CREB3L2: variants seen among roughly 807,000 people sequenced by gnomAD.
The protein encoded by CREB3L2 is cAMP responsive element binding protein 3 like 2.
Under a neutral mutation model 57.2 loss-of-function variants are expected in CREB3L2, and 23 were observed. The ratio of observed to expected loss-of-function variants is 0.40; its 90% CI spans 0.29 to 0.57. The LOEUF is 0.57. Among genes scored for constraint, CREB3L2 ranks in the 20% least tolerant of loss-of-function variants. The pLI, the probability that CREB3L2 is intolerant of heterozygous loss-of-function variation, is 0.42. For missense variants in CREB3L2, 628 were observed against 634.7 expected (o/e 0.99, Z 0.11); for synonymous variants, 268 against 265.1 (o/e 1.01, Z -0.11).
intron 8 of CREB3L2, among the ~76,000 whole-genome samples, chr7:137,898,652 G>T (rs952209962): frequency 2.0e-5 from 3 of 152,144 alleles, no homozygotes; most frequent in Non-Finnish European, 2.9e-5. Context: ...TGGAACCTAT[G>T]AAGAATTCTT....
intron 1 of CREB3L2, among the ~76,000 whole-genome samples, chr7:137,997,725 TC>T (rs1307466874): frequency 1.5e-4 from 14 of 94,684 alleles, no homozygotes; most frequent in African/African-American, 4.8e-4. Flanking sequence ...AAGACCCATC[TC>T]AAAAATAAAA....
chr7:137,914,756 CAG>C (rs752934617), intron 3 of CREB3L2, among the ~76,000 whole-genome samples: 70 of 152,202 alleles, frequency 4.6e-4, no homozygotes, highest in Non-Finnish European at 8.2e-4. Flanking sequence ...AGCACACTTG[CAG>C]AGGCCTCTGT....
In CREB3L2 at chr7:137,877,404, TAG is replaced by T; in HGVS notation, c.*3070_*3071del. The T allele has an allele frequency of 4.4e-6, 1 of 227,342 alleles. No homozygotes were observed. 14.1% of individuals were successfully genotyped at this position (227,342 alleles called of 1,614,324 possible). The stretch of plus-strand genomic sequence containing the variant: ...TATATAACACTCTCTTTATGTGAGC[TAG>T]ACTCCAGAGTCCTCACACTTCACAG... On this transcript the variant is annotated 3_prime_UTR_variant, in exon 12 of 12. Transcript: ENST00000330387.
chr7:137,887,844 G>A (rs958023319), intron 8 of CREB3L2, among the ~76,000 whole-genome samples: 1 of 152,134 alleles, frequency 6.6e-6, no homozygotes, highest in Non-Finnish European at 1.5e-5. Context: ...TTAATGTGAA[G>A]ATCTTTTTTT....
chr7:137,926,335 T>A (rs1169802336), intron 2 of CREB3L2, among the ~76,000 whole-genome samples: 3 of 152,208 alleles, frequency 2.0e-5, no homozygotes, highest in Non-Finnish European at 4.4e-5. Context: ...CCAACCCAAA[T>A]GCCCACCAAT....
At chr7:137,935,806 C>T (rs1800769272) in intron 1 of CREB3L2, 1 of 158,154 alleles carries the variant, frequency 6.3e-6, no homozygotes, top group South Asian at 2.0e-4. Flanking sequence ...TCCAAATTTA[C>T]AAATCAGATA....
chr7:137,983,845 G>A (rs536089812), intron 1 of CREB3L2, among the ~76,000 whole-genome samples: 1 of 152,310 alleles, frequency 6.6e-6, no homozygotes, highest in African/African-American at 2.4e-5. Flanking sequence ...TCTGCACTCA[G>A]GGGCGGCCCA....
chr7:137,946,147 T>A (rs1800969654), intron 1 of CREB3L2, among the ~76,000 whole-genome samples: 1 of 152,144 alleles, frequency 6.6e-6, no homozygotes, highest in Non-Finnish European at 1.5e-5. Flanking sequence ...CTCCCTGCTG[T>A]AACATGCTCG....
intron 1 of CREB3L2, among the ~76,000 whole-genome samples, chr7:137,961,717 CG>C (rs943481268): frequency 2.0e-5 from 3 of 152,240 alleles, no homozygotes; most frequent in South Asian, 2.1e-4. Flanking sequence ...TTTTCCCACC[CG>C]GGGGGCACAC....
At chr7:137,956,035 T>A (rs1317586630) in intron 1 of CREB3L2, among the ~76,000 whole-genome samples, 1 of 152,204 alleles carries the variant, frequency 6.6e-6, no homozygotes. Context: ...AAACACTAGC[T>A]AAGGCACTTA....
intron 1 of CREB3L2, among the ~76,000 whole-genome samples, chr7:137,992,700 A>G (rs1215771920): frequency 6.6e-6 from 1 of 152,230 alleles, no homozygotes; most frequent in Non-Finnish European, 1.5e-5. Context: ...AAACACTCAC[A>G]TTTAACAGCT....
chr7:137,990,905 T>TC (rs1327575709), intron 1 of CREB3L2, among the ~76,000 whole-genome samples: 8 of 152,178 alleles, frequency 5.3e-5, no homozygotes, highest in Non-Finnish European at 1.0e-4. Flanking sequence ...GATTTTTTTT[T>TC]CCCCAGACTC....
At chr7:137,891,732 C>G (rs556572879) in intron 8 of CREB3L2, among the ~76,000 whole-genome samples, 14 of 152,112 alleles carry the variant, frequency 9.2e-5, no homozygotes, top group Admixed American at 3.9e-4. Flanking sequence ...TATGCCACCA[C>G]GCCCGGCTAA....
At chr7:137,888,003 A>G (rs1282815408) in intron 8 of CREB3L2, among the ~76,000 whole-genome samples, 1 of 152,142 alleles carries the variant, frequency 6.6e-6, no homozygotes, top group Non-Finnish European at 1.5e-5. Flanking sequence ...CACAGGCTGG[A>G]GTGCAGTGGT....
chr7:137,960,694 T>C (rs967499055), intron 1 of CREB3L2, among the ~76,000 whole-genome samples: 2 of 152,226 alleles, frequency 1.3e-5, no homozygotes, highest in Admixed American at 6.5e-5. Flanking sequence ...GTGCATATTT[T>C]GAACAGTTTT....
intron 1 of CREB3L2, among the ~76,000 whole-genome samples, chr7:137,978,792 C>T (rs1037459677): frequency 6.6e-6 from 1 of 152,164 alleles, no homozygotes; most frequent in Admixed American, 6.5e-5. Context: ...CTTCCAACTC[C>T]TAGCCCACTG....
intron 1 of CREB3L2, among the ~76,000 whole-genome samples, chr7:137,991,384 T>A (rs987394407): frequency 6.6e-6 from 1 of 151,862 alleles, no homozygotes; most frequent in Non-Finnish European, 1.5e-5. Context: ...CAGGATGGTC[T>A]CGATCTCCTG....
intron 1 of CREB3L2, among the ~76,000 whole-genome samples, chr7:137,990,263 C>A (rs1302267400): frequency 6.6e-6 from 1 of 152,174 alleles, no homozygotes; most frequent in Non-Finnish European, 1.5e-5. Flanking sequence ...CTGCTGTTCC[C>A]ACTGCCTGGT....
At chr7:137,976,981 A>G (rs926591070) in intron 1 of CREB3L2, among the ~76,000 whole-genome samples, 1 of 152,202 alleles carries the variant, frequency 6.6e-6, no homozygotes, top group African/African-American at 2.4e-5. Flanking sequence ...AATGAAGCAA[A>G]GGCCAAGGAA....
Sources: allele counts gnomAD v4.1 joint callset (sites outside exome capture counted in the v4.1 genomes callset), GRCh38; gene constraint gnomAD v4.1.1; transcripts MANE v1.5; gene names NCBI Gene and HGNC (gene_info 2026-07-23, HGNC 2026-07-21).